REV1: variants seen among roughly 807,000 people sequenced by gnomAD.
REV1 encodes REV1 DNA directed polymerase.
In REV1, 42 loss-of-function variants were observed where a neutral mutation model predicts 137.4. The ratio of observed to expected loss-of-function variants is 0.31; its 90% CI spans 0.24 to 0.40. The LOEUF is 0.40. Ranked by LOEUF, REV1 falls within the 10% of genes least tolerant of loss-of-function variation. The pLI is 1.00. For synonymous variants in REV1, 524 were observed against 519.2 expected (o/e 1.01, Z -0.12); for missense variants, 1,282 against 1,490.1 (o/e 0.86, Z 2.30).
At chr2:99,417,707 T>G (rs1678086855) in intron 12 of REV1, among the ~76,000 whole-genome samples, 1 of 152,186 alleles carries the variant, frequency 6.6e-6, no homozygotes, top group Admixed American at 6.5e-5. Flanking sequence ...GCATTTCTGT[T>G]GTTTATGCAC....
chr2:99,424,431 A>G, intron 9 of REV1, 151 bp from the exon 10 acceptor site: 2 of 844,832 alleles, frequency 2.4e-6, no homozygotes, highest in South Asian at 3.7e-5. Flanking sequence ...ATTAAAATTT[A>G]CAGCCTTGTT....
At chr2:99,416,356 C>G (rs777644141) in intron 12 of REV1, among the ~76,000 whole-genome samples, 3 of 152,180 alleles carry the variant, frequency 2.0e-5, no homozygotes, top group East Asian at 1.9e-4. Context: ...TATGAAACCC[C>G]TTTTTAAAGG....
In REV1 at chr2:99,401,053, A is replaced by AATT. The variant is rs1182288406; in HGVS notation, c.*185_*187dup. On this transcript the variant is annotated 3_prime_UTR_variant, in exon 23 of 23. Coordinates refer to ENST00000258428, the MANE Select transcript of REV1 (RefSeq NM_016316.4). ...AATAGAATCTATGCTACAGTAAAAT[A>AATT]ATTAACACAATTATTTACATGCAAT... 5 of 392,724 alleles carry AATT rather than the reference A, an allele frequency of 1.3e-5. No individual in the cohort carries two copies. The highest frequency in any genetic ancestry group is 1.1e-4 in the African/African-American group (5 of 46,444). The allele number at this position is 392,724 out of a possible 1,614,324, so 24.3% of individuals were successfully genotyped here.
In REV1 at chr2:99,408,013, G is replaced by A; in HGVS notation, c.2448+16C>T. 7.0e-7 allele frequency: 1 copy of A among 1,429,052 alleles called. No individual in the cohort carries two copies. Among genetic ancestry groups the A allele is most frequent in the Non-Finnish European group, 9.6e-7 (1 of 1,044,092 alleles). The allele number at this position is 1,429,052 out of a possible 1,614,324, so 88.5% of individuals were successfully genotyped here. A position where few individuals can be genotyped will look rare whatever the true frequency, so the allele number is the denominator to read the frequency against. On this transcript the variant is annotated intron_variant, in intron 15 of 22. Transcript: ENST00000258428. ...ATTACACAAAGTCAGAATTTACAAT[G>A]TTACTATATACTTACCCCTCTCATA...
chr2:99,401,219 G>A lies in REV1; in HGVS notation c.*22C>T, dbSNP rs1055385900. 3 of 1,423,968 alleles carry A rather than the reference G, an allele frequency of 2.1e-6. No homozygotes were observed. The highest frequency in any genetic ancestry group is 2.3e-5 in the East Asian group (1 of 43,956). The allele number at this position is 1,423,968 out of a possible 1,614,324, so 88.2% of individuals were successfully genotyped here. A position where few individuals can be genotyped will look rare whatever the true frequency, so the allele number is the denominator to read the frequency against. On this transcript the variant is annotated 3_prime_UTR_variant, in exon 23 of 23. Coordinates refer to ENST00000258428, the MANE Select transcript of REV1 (RefSeq NM_016316.4). ...GCACTTATGGCACAGCTATCAGAGA[G>A]CATCAGGCTCTCTGGTAATATTTAT...
At chr2:99,488,569 G>C (rs1015343975) in intron 1 of REV1, among the ~76,000 whole-genome samples, 2 of 49,784 alleles carry the variant, frequency 4.0e-5, no homozygotes, top group African/African-American at 6.7e-5. Flanking sequence ...GTATACTGGA[G>C]AATGATTCCT....
intron 6 of REV1, 101 bp from the exon 7 acceptor site, chr2:99,436,042 C>T (rs1680705030): frequency 2.8e-6 from 2 of 721,570 alleles, no homozygotes; most frequent in Non-Finnish European, 4.8e-6. Context: ...CATGCTTACA[C>T]CCAGAATGGA....
Position 99,404,549 on chromosome 2 carries a change from T to A in REV1, c.2940A>T (p.Gly980=). The part of the protein sequence containing the change: ...KKEPVNGCNT[G]ILPQPVGTVL... ...CTGTCCCAACTGGTTGTGGCAAAAT[T>A]CCTGTATTACAGCCATTTACTGGTT... Residue 980 remains glycine (G), a synonymous_variant, in exon 18 of 23, where the codon GGA becomes GGT. Coordinates refer to ENST00000258428, the MANE Select transcript of REV1 (RefSeq NM_016316.4). 6.2e-7 allele frequency: 1 copy of A among 1,614,178 alleles called. No homozygotes were observed. Among genetic ancestry groups the A allele is most frequent in the East Asian group, 2.2e-5 (1 of 44,882 alleles).
intron 4 of REV1, among the ~76,000 whole-genome samples, chr2:99,448,497 A>T (rs757465244): frequency 1.3e-5 from 2 of 152,188 alleles, no homozygotes; most frequent in Non-Finnish European, 2.9e-5. Flanking sequence ...CAGAGAAACC[A>T]CAATATAATC....
intron 4 of REV1, among the ~76,000 whole-genome samples, chr2:99,445,793 G>C (rs935951446): frequency 1.3e-5 from 2 of 152,102 alleles, no homozygotes; most frequent in Admixed American, 1.3e-4. Flanking sequence ...CCTCTTCAAA[G>C]TCAGGGCCCT....
chr2:99,485,648 T>C (rs1034342529), intron 1 of REV1, among the ~76,000 whole-genome samples: 1 of 152,224 alleles, frequency 6.6e-6, no homozygotes, highest in African/African-American at 2.4e-5. Context: ...ACTCTTAGCA[T>C]CTTCTACAGA....
chr2:99,488,837 T>TA (rs1687370623), intron 1 of REV1, among the ~76,000 whole-genome samples: 1 of 152,230 alleles, frequency 6.6e-6, no homozygotes, highest in African/African-American at 2.4e-5. Flanking sequence ...ACCAGACAGA[T>TA]ACACAGAATT....
chr2:99,419,425 T>C (rs1457088653), intron 11 of REV1, among the ~76,000 whole-genome samples: 2 of 151,796 alleles, frequency 1.3e-5, no homozygotes, highest in Non-Finnish European at 2.9e-5. Context: ...TTAGCCAGGA[T>C]GGTCTCGATC....
intron 1 of REV1, among the ~76,000 whole-genome samples, 194 bp from the exon 2 acceptor site, chr2:99,465,179 C>G (rs1379619782): frequency 6.8e-6 from 1 of 146,176 alleles, no homozygotes; most frequent in Non-Finnish European, 1.5e-5. Flanking sequence ...ATAAAACACC[C>G]TCCTACACAT....
At chr2:99,408,280 A>G (rs1676622510) in intron 14 of REV1, 149 bp from the exon 15 acceptor site, 2 of 411,640 alleles carry the variant, frequency 4.9e-6, no homozygotes, top group South Asian at 9.2e-5. Context: ...TCTCCCTTCA[A>G]GGAAGCCAGA....
At chr2:99,461,754 A>C (rs919230091) in intron 3 of REV1, among the ~76,000 whole-genome samples, 3 of 152,246 alleles carry the variant, frequency 2.0e-5, no homozygotes, top group African/African-American at 7.2e-5. Flanking sequence ...GCTTGGAAAG[A>C]AGCTGCTTGT....
intron 1 of REV1, among the ~76,000 whole-genome samples, chr2:99,468,652 T>A (rs769896597): frequency 6.6e-6 from 1 of 152,212 alleles, no homozygotes; most frequent in Non-Finnish European, 1.5e-5. Context: ...TCTGAAACTG[T>A]GATTCACAAC....
Position 99,442,227 on chromosome 2 carries a change from C to T in REV1, c.503+90G>A, listed in dbSNP as rs540745814. 141 of 1,237,048 alleles carry T rather than the reference C, an allele frequency of 1.1e-4. 1 individual carries two copies. The East Asian group carries it at 2.3e-3, about 20-fold the overall frequency. 76.6% of individuals were successfully genotyped at this position (1,237,048 alleles called of 1,614,324 possible). A position where few individuals can be genotyped will look rare whatever the true frequency, so the allele number is the denominator to read the frequency against. On this transcript the variant is annotated intron_variant, in intron 5 of 22. Transcript: ENST00000258428. ...AGATCATACCATTGCACTCCAGCCTCGGCAACAAGAGCAAAACTCCATCTC... is the reference window on the plus strand; with the variant it reads ...AGATCATACCATTGCACTCCAGCCTTGGCAACAAGAGCAAAACTCCATCTC...
chr2:99,486,365 TA>T (rs1687130814), intron 1 of REV1, among the ~76,000 whole-genome samples: 1 of 151,814 alleles, frequency 6.6e-6, no homozygotes, highest in African/African-American at 2.4e-5. Flanking sequence ...CCGTCTCTAC[TA>T]AAAATACAAA....
Sources: allele counts gnomAD v4.1 joint callset (sites outside exome capture counted in the v4.1 genomes callset), GRCh38; gene constraint gnomAD v4.1.1; transcripts MANE v1.5; gene names NCBI Gene and HGNC (gene_info 2026-07-23, HGNC 2026-07-21).